Variants in ZNF605 observed in about 807,000 individuals in gnomAD.
The protein encoded by ZNF605 is zinc finger protein 605.
A neutral mutation model predicts 7.9 loss-of-function variants in ZNF605; 9 were observed. The observed-to-expected ratio is 1.14, with a 90% confidence interval of 0.68 to 1.98. ZNF605 has a LOEUF of 1.98. Among genes scored for constraint, ZNF605 ranks in the 30% most tolerant of loss-of-function variants. The pLI, the probability that ZNF605 is intolerant of heterozygous loss-of-function variation, is 0.00. For missense variants in ZNF605, 673 were observed against 762.4 expected, an observed-to-expected ratio of 0.88 and a Z score of 1.38; for synonymous variants, 255 against 260.1, an observed-to-expected ratio of 0.98 and a Z score of 0.19.
chr12:132,941,116 C>A lies in ZNF605; in HGVS notation c.15+4505G>T, dbSNP rs1952435479. Among the ~76,000 whole-genome samples the A allele has an allele frequency of 1.3e-5, 2 of 152,122 alleles. No homozygotes were observed. The highest frequency in any genetic ancestry group is 2.9e-5 in the Non-Finnish European group (2 of 68,036). On this transcript the variant is annotated intron_variant, in intron 3 of 4. Transcript: ENST00000360187. The surrounding 1 kb of genome is among the most constrained non-coding windows in gnomAD (Gnocchi z 5.1). Reference sequence around the variant, plus strand: ...CCAGTGCTGACCCAGGAAACACAACCACCCAACTGCGCTTGCTAAATGCAG... The same window carrying A: ...CCAGTGCTGACCCAGGAAACACAACAACCCAACTGCGCTTGCTAAATGCAG...
At chr12:132,939,514 A>G (rs545548044) in intron 3 of ZNF605, among the ~76,000 whole-genome samples, 3 of 152,028 alleles carry the variant, frequency 2.0e-5, no homozygotes, top group African/African-American at 7.2e-5. Context: ...GGGGCCTTGG[A>G]GAACCTGTGT....
At chr12:132,953,456 C>G (rs1161653603) in intron 1 of ZNF605, among the ~76,000 whole-genome samples, 1 of 152,198 alleles carries the variant, frequency 6.6e-6, no homozygotes, top group Non-Finnish European at 1.5e-5. Flanking sequence ...AAGATGGAGT[C>G]TCACTCTGTC....
rs1952438450 is a variant in ZNF605 at position 132,941,303 on chromosome 12, C to G, written c.15+4318G>C. On this transcript the variant is annotated intron_variant, in intron 3 of 4. Coordinates refer to ENST00000360187, the MANE Select transcript of ZNF605 (RefSeq NM_183238.4). The surrounding 1 kb of genome is among the most constrained non-coding windows in gnomAD (Gnocchi z 5.1). ...TGAACCACGGGAAACAGCTGTCCTG[C>G]TTTCCAGACTCTGGTCAAGGCTAGC... 6.6e-6 allele frequency among the ~76,000 whole-genome samples: 1 copy of G among 152,150 alleles called. No individual in the cohort carries two copies. Among genetic ancestry groups the G allele is most frequent in the Non-Finnish European group, 1.5e-5 (1 of 68,036 alleles).
At chr12:132,945,852 A>C (rs1952489985) in intron 2 of ZNF605, 55 bp from the exon 3 acceptor site, 1 of 674,210 alleles carries the variant, frequency 1.5e-6, no homozygotes, top group East Asian at 2.6e-5. Context: ...TGGGAACCTA[A>C]ATCTTGGTGT....
chr12:132,947,016 T>G (rs796847402), intron 2 of ZNF605, among the ~76,000 whole-genome samples: 2 of 32,336 alleles, frequency 6.2e-5, no homozygotes. Context: ...TTGTTTTTTT[T>G]TGGTTTTTTT....
At chr12:132,940,213 T>G (rs895687031) in intron 3 of ZNF605, among the ~76,000 whole-genome samples, 3 of 152,162 alleles carry the variant, frequency 2.0e-5, no homozygotes, top group Admixed American at 1.3e-4. Flanking sequence ...GAACAGATAG[T>G]GGCGGCCAGG....
chr12:132,955,546 A>T (rs2316469), intron 1 of ZNF605, among the ~76,000 whole-genome samples: 3 of 151,798 alleles, frequency 2.0e-5, no homozygotes, highest in African/African-American at 7.3e-5. Flanking sequence ...AGGGAACGGG[A>T]GATCTTTGCA....
At chr12:132,927,289 G>T (rs1593580297) in intron 4 of ZNF605, 127 bp from the exon 5 acceptor site, 6 of 561,634 alleles carry the variant, frequency 1.1e-5, no homozygotes, top group Non-Finnish European at 1.7e-5. Context: ...GTACTTATTG[G>T]GCATTGACAA....
intron 2 of ZNF605, among the ~76,000 whole-genome samples, chr12:132,947,155 A>G (rs1280990227): frequency 1.3e-5 from 2 of 151,796 alleles, no homozygotes; most frequent in African/African-American, 2.4e-5. Context: ...TGGGATTACA[A>G]GTGCCCACCA....
chr12:132,924,985 A>T lies in ZNF605; in HGVS notation c.*388T>A, dbSNP rs998943110. 4 of 169,300 alleles carry T rather than the reference A, an allele frequency of 2.4e-5. No homozygotes were observed. Among genetic ancestry groups the T allele is most frequent in the Non-Finnish European group, 3.8e-5 (3 of 79,586 alleles). 10.5% of individuals were successfully genotyped at this position (169,300 alleles called of 1,614,324 possible). On this transcript the variant is annotated 3_prime_UTR_variant, in exon 5 of 5. Transcript: ENST00000360187. ...ATGAACCTCTGTAGGTATTATTCTCAAGTGTACAGTGAGTTGTCCTTTCTT... is the reference window on the plus strand; with the variant it reads ...ATGAACCTCTGTAGGTATTATTCTCTAGTGTACAGTGAGTTGTCCTTTCTT...
rs1952637559 is a variant in ZNF605 at position 132,956,300 on chromosome 12, G to C, written c.-343C>G. ...GCCCGATCGGGGACGTGAACGCGCA[G>C]AACTACATTTCCCAGCGTCCCGCTC... On this transcript the variant is annotated 5_prime_UTR_variant, in exon 1 of 5. Transcript: ENST00000360187. The C allele has an allele frequency of 6.6e-6, 1 of 152,128 alleles. No homozygotes were observed. Among genetic ancestry groups the C allele is most frequent in the Non-Finnish European group, 1.5e-5 (1 of 68,042 alleles). The allele number at this position is 152,128 out of a possible 1,614,324, so 9.4% of individuals were successfully genotyped here. A position where few individuals can be genotyped will look rare whatever the true frequency, so the allele number is the denominator to read the frequency against.
At position 132,918,791 on chromosome 12, in the gene ZNF605, G is replaced by A. The variant is rs1439179886; in HGVS notation, c.*6582C>T. Reference sequence around the variant, plus strand: ...AGTAGAGATAGGGTTTTGCCATGTTGGCCAGGCTGCTCTTGAGCTCCTGAA... The same window carrying A: ...AGTAGAGATAGGGTTTTGCCATGTTAGCCAGGCTGCTCTTGAGCTCCTGAA... On this transcript the variant is annotated 3_prime_UTR_variant, in exon 5 of 5. Coordinates refer to ENST00000360187, the MANE Select transcript of ZNF605 (RefSeq NM_183238.4). 1 of 152,200 alleles carries A rather than the reference G, an allele frequency of 6.6e-6. No individual in the cohort carries two copies. The highest frequency in any genetic ancestry group is 1.5e-5 in the Non-Finnish European group (1 of 68,100). 9.4% of individuals were successfully genotyped at this position (152,200 alleles called of 1,614,324 possible). A position where few individuals can be genotyped will look rare whatever the true frequency, so the allele number is the denominator to read the frequency against.
chr12:132,952,695 G>A (rs1390112354), intron 1 of ZNF605, among the ~76,000 whole-genome samples: 1 of 151,814 alleles, frequency 6.6e-6, no homozygotes, highest in African/African-American at 2.4e-5. Context: ...GGTACAAACA[G>A]CAAGGGGGAA....
intron 4 of ZNF605, among the ~76,000 whole-genome samples, chr12:132,931,588 C>T (rs1952309520): frequency 2.0e-5 from 3 of 152,090 alleles, no homozygotes; most frequent in Admixed American, 1.3e-4. Context: ...TTCAGAAGAG[C>T]GTGTGAGGAA....
chr12:132,935,647 C>A (rs1952356676), intron 3 of ZNF605, among the ~76,000 whole-genome samples: 2 of 152,048 alleles, frequency 1.3e-5, no homozygotes, highest in South Asian at 4.2e-4. Flanking sequence ...AACCCCAGCA[C>A]TTTGGGAGGC....
chr12:132,945,597 A>G, intron 3 of ZNF605, 24 bp downstream of exon 3: 1 of 1,610,788 alleles, frequency 6.2e-7, no homozygotes, highest in Non-Finnish European at 8.5e-7. Context: ...TTTTCATGAA[A>G]CAGAGGATAA....
rs1401838744 is a variant in ZNF605 at position 132,923,647 on chromosome 12, T to C, written c.*1726A>G. ...TATCAGTGCTTTTCATGAATGTGAC[T>C]CTGAGGTGCACTGCTGTGATGTAAA... On this transcript the variant is annotated 3_prime_UTR_variant, in exon 5 of 5. Transcript: ENST00000360187. 1 of 152,238 alleles carries C rather than the reference T, an allele frequency of 6.6e-6. No homozygotes were observed. The highest frequency in any genetic ancestry group is 2.4e-5 in the African/African-American group (1 of 41,474). 9.4% of individuals were successfully genotyped at this position (152,238 alleles called of 1,614,324 possible).
chr12:132,936,665 A>G (rs1229031909), intron 3 of ZNF605, among the ~76,000 whole-genome samples: 1 of 152,212 alleles, frequency 6.6e-6, no homozygotes, highest in Non-Finnish European at 1.5e-5. Flanking sequence ...ACAATTTTAT[A>G]CTCATAAGCA....
rs1952254501 is a variant in ZNF605 at position 132,927,059 on chromosome 12, A to G, written c.240T>C (p.Asn80=). Reference sequence around the variant, plus strand: ...CTACATGAACAATGTTTATGCTTGAATTAAATATTTTTCCAAAAACATCAT... The same window carrying G: ...CTACATGAACAATGTTTATGCTTGAGTTAAATATTTTTCCAAAAACATCAT... ...HKYDVFGKIF[N]SSINIVHVGL... Residue 80 remains asparagine (N), a synonymous_variant, in exon 5 of 5, where the codon AAT becomes AAC. Transcript: ENST00000360187. The G allele has an allele frequency of 6.9e-6, 11 of 1,604,594 alleles. No individual in the cohort carries two copies. The South Asian group carries it at 1.1e-4, about 16-fold the overall frequency.
Sources: allele counts gnomAD v4.1 joint callset (sites outside exome capture counted in the v4.1 genomes callset), GRCh38; gene constraint gnomAD v4.1.1; non-coding constraint Gnocchi (gnomAD v3.1); transcripts MANE v1.5; gene names NCBI Gene and HGNC (gene_info 2026-07-23, HGNC 2026-07-21).